GRIN2A: variants seen among roughly 807,000 people sequenced by gnomAD.
The protein encoded by GRIN2A is glutamate ionotropic receptor NMDA type subunit 2A.
Under a neutral mutation model 113.4 loss-of-function variants are expected in GRIN2A, and 22 were observed. That is an observed-to-expected ratio of 0.19 (90% confidence interval 0.14 to 0.28). GRIN2A has a LOEUF of 0.28. GRIN2A is among the 10% of genes least tolerant of loss of function. GRIN2A has a pLI of 1.00. For synonymous variants in GRIN2A, 827 were observed against 738.4 expected (o/e 1.12, Z -1.94); for missense variants, 1,502 against 1,887.0 (o/e 0.80, Z 3.78).
At chr16:10,072,568 T>C (rs1180239447) in intron 2 of GRIN2A, among the ~76,000 whole-genome samples, 1 of 152,126 alleles carries the variant, frequency 6.6e-6, no homozygotes, top group Non-Finnish European at 1.5e-5. Context: ...TAGTATGCAG[T>C]CAAGTTTGAG....
chr16:10,078,008 T>A lies in GRIN2A; in HGVS notation c.414+101990A>T, dbSNP rs117664406. Reference sequence around the variant, plus strand: ...GGTATTTCTCTCTCTAAGCCTCTTTTTCCTCATCTGCAAAATGCGGTTGTG... The same window carrying A: ...GGTATTTCTCTCTCTAAGCCTCTTTATCCTCATCTGCAAAATGCGGTTGTG... On this transcript the variant is annotated intron_variant, in intron 2 of 12. Transcript: ENST00000330684. 6.9e-3 allele frequency among the ~76,000 whole-genome samples: 1,053 copies of A among 152,348 alleles called. 23 individuals carry two copies. The highest frequency in any genetic ancestry group is 9.6e-3 in the Non-Finnish European group (651 of 68,040).
At chr16:10,127,011 C>T (rs990554004) in intron 2 of GRIN2A, among the ~76,000 whole-genome samples, 4 of 152,172 alleles carry the variant, frequency 2.6e-5, no homozygotes, top group East Asian at 1.9e-4. Context: ...AATGCTCACA[C>T]GCTTGCCCTA....
At position 9,760,203 on chromosome 16, in the gene GRIN2A, TCAGGCTTC is replaced by T; in HGVS notation, c.*2938_*2945del. On this transcript the variant is annotated 3_prime_UTR_variant, in exon 13 of 13. Transcript: ENST00000330684. ...AATCTTCTGTGATAGATCTATAGTC[TCAGGCTTC>T]CAGGCTTCCTATTTAATTCTTGTTA... 1 of 227,050 alleles carries T rather than the reference TCAGGCTTC, an allele frequency of 4.4e-6. No homozygotes were observed. The highest frequency in any genetic ancestry group is 2.2e-5 in the African/African-American group (1 of 45,108). The allele number at this position is 227,050 out of a possible 1,614,324, so 14.1% of individuals were successfully genotyped here.
At chr16:9,902,474 C>T (rs1182703702) in intron 3 of GRIN2A, among the ~76,000 whole-genome samples, 1 of 152,226 alleles carries the variant, frequency 6.6e-6, no homozygotes, top group Non-Finnish European at 1.5e-5. Context: ...CCCTAGACAA[C>T]CTTTGCACAA....
chr16:10,177,636 G>C (rs1441531587), intron 2 of GRIN2A, among the ~76,000 whole-genome samples: 1 of 152,084 alleles, frequency 6.6e-6, no homozygotes, highest in Non-Finnish European at 1.5e-5. Flanking sequence ...ACTCTTAAGT[G>C]AGGTCACATT....
At chr16:10,031,263 C>T (rs761237891) in intron 2 of GRIN2A, 2 of 152,214 alleles carry the variant, frequency 1.3e-5, no homozygotes, top group African/African-American at 4.8e-5. Flanking sequence ...AGCCTGTTCC[C>T]ACCTCAGGGT....
At chr16:10,074,844 T>C (rs77225327) in intron 2 of GRIN2A, among the ~76,000 whole-genome samples, 2,244 of 152,302 alleles carry the variant, frequency 0.015, 54 homozygotes, top group African/African-American at 0.051. Context: ...CTAAAAAGCA[T>C]TGGACTGTGA....
At position 9,834,121 on chromosome 16, in the gene GRIN2A, G is replaced by C; in HGVS notation, c.1761C>G (p.Asn587Lys). 1 of 1,613,562 alleles carries C rather than the reference G, an allele frequency of 6.2e-7. No individual in the cohort carries two copies. The highest frequency in any genetic ancestry group is 8.5e-7 in the Non-Finnish European group (1 of 1,179,470). Residue 587 changes from asparagine to lysine, a missense_variant, in exon 8 of 13, where the codon AAC becomes AAG. By Grantham distance (94) the Asn-to-Lys change is moderately conservative (BLOSUM62 0). Coordinates refer to ENST00000330684, the MANE Select transcript of GRIN2A (RefSeq NM_001134407.3). Reference sequence around the variant, plus strand: ...TACCCTTACCTTTCCCTTTGGCTAAGTTTCTGTTGTATCCAACAGGGCTGA... The same window carrying C: ...TACCCTTACCTTTCCCTTTGGCTAACTTTCTGTTGTATCCAACAGGGCTGA... ...EYFSPVGYNRNLAKGKAPHGP... is the reference protein window; with the variant it reads ...EYFSPVGYNRKLAKGKAPHGP...
chr16:9,973,778 G>A (rs975003380), intron 2 of GRIN2A, among the ~76,000 whole-genome samples: 4 of 152,050 alleles, frequency 2.6e-5, no homozygotes, highest in Non-Finnish European at 4.4e-5. Flanking sequence ...GTCTTTATAA[G>A]TGCTGGGGGG....
intron 2 of GRIN2A, among the ~76,000 whole-genome samples, chr16:10,040,788 A>G (rs966892013): frequency 3.9e-5 from 6 of 152,258 alleles, no homozygotes; most frequent in Non-Finnish European, 5.9e-5. Flanking sequence ...CCGACACTGC[A>G]TCTGCCTCTG....
At chr16:9,855,610 G>T (rs2042953920) in intron 4 of GRIN2A, among the ~76,000 whole-genome samples, 1 of 152,172 alleles carries the variant, frequency 6.6e-6, no homozygotes, top group Non-Finnish European at 1.5e-5. Context: ...TATGTAAAAT[G>T]CAAGGATAAG....
Position 9,852,050 on chromosome 16 carries a change from T to G in GRIN2A, c.1123-2089A>C, listed in dbSNP as rs1226863491. Among the ~76,000 whole-genome samples the G allele has an allele frequency of 2.0e-5, 3 of 152,214 alleles. 1 individual carries two copies. The highest frequency in any genetic ancestry group is 2.9e-5 in the Non-Finnish European group (2 of 68,038). On this transcript the variant is annotated intron_variant, in intron 4 of 12. Transcript: ENST00000330684. The stretch of plus-strand genomic sequence containing the variant: ...TATATTATAACCTCAATGACATAAC[T>G]TTTGAGCACTCCTGTACAGTCAGGA...
At chr16:9,789,145 T>C (rs11639526) in intron 11 of GRIN2A, among the ~76,000 whole-genome samples, 50,900 of 152,200 alleles carry the variant, frequency 0.33, 8,741 homozygotes, top group African/African-American at 0.41. Flanking sequence ...GCAGGCCTTA[T>C]GGTTTCTGTT....
chr16:9,985,045 C>T (rs2045955648), intron 2 of GRIN2A, among the ~76,000 whole-genome samples: 1 of 152,192 alleles, frequency 6.6e-6, no homozygotes, highest in Middle Eastern at 3.4e-3. Flanking sequence ...CATGCGTGCA[C>T]ACACACACAC....
intron 2 of GRIN2A, among the ~76,000 whole-genome samples, chr16:10,129,957 G>A (rs535509646): frequency 3.9e-5 from 6 of 152,322 alleles, no homozygotes; most frequent in Non-Finnish European, 8.8e-5. Flanking sequence ...CTGTGTTAAG[G>A]GCAGAGCTAG....
chr16:10,172,193 T>C (rs1199845742), intron 2 of GRIN2A, among the ~76,000 whole-genome samples: 1 of 152,230 alleles, frequency 6.6e-6, no homozygotes, highest in African/African-American at 2.4e-5. Context: ...GAAGGGCCTT[T>C]TCTAAGGTCA....
intron 2 of GRIN2A, among the ~76,000 whole-genome samples, chr16:10,036,437 CT>C (rs1360199200): frequency 1.7e-3 from 156 of 92,660 alleles, no homozygotes; most frequent in African/African-American, 3.7e-3. Flanking sequence ...TTAGTACTTA[CT>C]TTTTTTTTTT....
intron 2 of GRIN2A, among the ~76,000 whole-genome samples, chr16:9,948,348 C>T (rs1052393893): frequency 2.4e-4 from 37 of 152,272 alleles, no homozygotes; most frequent in African/African-American, 8.2e-4. Flanking sequence ...TAAAACACAG[C>T]GGGTGGGGGC....
intron 2 of GRIN2A, among the ~76,000 whole-genome samples, chr16:10,178,443 G>C (rs1256086405): frequency 1.3e-5 from 2 of 152,118 alleles, no homozygotes; most frequent in African/African-American, 4.8e-5. Context: ...ACTCCCCTAT[G>C]GCTCAGTCAC....
Sources: gnomAD v4.1 joint callset for allele counts (sites outside exome capture counted in the v4.1 genomes callset) on GRCh38, gnomAD v4.1.1 for gene constraint, MANE v1.5 for transcripts, NCBI Gene and HGNC (gene_info 2026-07-23, HGNC 2026-07-21) for gene names.